Variants in RASA3 observed in about 807,000 individuals in gnomAD.
The protein encoded by RASA3 is RAS p21 protein activator 3, also known as ras GTPase-activating protein 3.
A neutral mutation model predicts 110.0 loss-of-function variants in RASA3; 73 were observed. The observed-to-expected ratio is 0.66, with a 90% CI of 0.55 to 0.81. The LOEUF (loss-of-function observed/expected upper bound fraction) is 0.81. Ranked by LOEUF, RASA3 falls within the 30% of genes least tolerant of loss-of-function variation. The probability of loss-of-function intolerance (pLI) is 0.00; values close to 1 mark genes in which losing one functional copy is unlikely to be tolerated. For missense variants in RASA3, 976 were observed against 1,113.2 expected (o/e 0.88, Z 1.75); for synonymous variants, 500 against 451.4 (o/e 1.11, Z -1.37).
At position 114,014,587 on chromosome 13, in the gene RASA3, A is replaced by G. The variant is rs557653985; in HGVS notation, c.1405+622T>C. Reference sequence around the variant, plus strand: ...CCTGAGTCCTGGCGGGGTCTTGAGTATCGCAGGTGATGGGTGGGTGCAGGC... The same window carrying G: ...CCTGAGTCCTGGCGGGGTCTTGAGTGTCGCAGGTGATGGGTGGGTGCAGGC... On this transcript the variant is annotated intron_variant, in intron 14 of 23. Coordinates refer to ENST00000334062, the MANE Select transcript of RASA3 (RefSeq NM_007368.4). This position sits in a 1 kb window ranked among gnomAD's most constrained non-coding sequence, Gnocchi z 4.5. Among the ~76,000 whole-genome samples, 1 of 152,246 alleles carries G rather than the reference A, an allele frequency of 6.6e-6. No homozygotes were observed. Among genetic ancestry groups the G allele is most frequent in the South Asian group, 2.1e-4 (1 of 4,816 alleles).
intron 2 of RASA3, among the ~76,000 whole-genome samples, chr13:114,052,362 CA>C (rs1451412525): frequency 2.0e-5 from 3 of 152,218 alleles, no homozygotes; most frequent in Non-Finnish European, 4.4e-5. Flanking sequence ...TTGCACTGCA[CA>C]GATGAACTTC....
intron 1 of RASA3, among the ~76,000 whole-genome samples, chr13:114,102,699 G>A (rs1020622270): frequency 3.9e-5 from 6 of 152,166 alleles, no homozygotes; most frequent in Admixed American, 6.5e-5. Flanking sequence ...CCAAGGCTGC[G>A]GCGTCACTGC....
chr13:114,017,177 C>T (rs765248509), intron 12 of RASA3, 60 bp downstream of exon 12: 26 of 1,480,198 alleles, frequency 1.8e-5, no homozygotes, highest in Non-Finnish European at 2.4e-5. Flanking sequence ...GCAGTGCCCT[C>T]TGTTGGGGGA....
intron 20 of RASA3, among the ~76,000 whole-genome samples, chr13:113,997,341 C>A (rs191038801): frequency 7.2e-5 from 11 of 152,276 alleles, no homozygotes; most frequent in Non-Finnish European, 1.6e-4. Context: ...GGAGACAAAG[C>A]CTGGCATAGA....
In RASA3 at chr13:114,029,882, T is replaced by G. The variant is rs1334796165; in HGVS notation, c.378A>C (p.Lys126Asn). ...HVDADSEVQG[K>N]VHLELRLSEV... is the part of the protein sequence containing the mutation. Reference sequence around the variant, plus strand: ...CGCTCAGCCGCAGCTCCAGGTGCACTTTGCCCTGCAAGGCACAAGGATGGG... The same window carrying G: ...CGCTCAGCCGCAGCTCCAGGTGCACGTTGCCCTGCAAGGCACAAGGATGGG... The change falls in exon 5 of 24, where the codon AAA (lysine) becomes AAC (asparagine). Residue 126 changes from lysine to asparagine, a missense_variant. Lys to Asn is a moderately conservative substitution (Grantham distance 94). Coordinates refer to ENST00000334062, the MANE Select transcript of RASA3 (RefSeq NM_007368.4). 2.6e-6 allele frequency: 4 copies of G among 1,558,632 alleles called. No individual in the cohort carries two copies. Among genetic ancestry groups the G allele is most frequent in the Non-Finnish European group, 3.5e-6 (4 of 1,153,504 alleles).
chr13:114,094,002 A>C lies in RASA3; in HGVS notation c.56-20165T>G, dbSNP rs144415396. Among the ~76,000 whole-genome samples, 663 of 151,940 alleles carry C rather than the reference A, an allele frequency of 4.4e-3. 2 individuals are homozygous for C. Among genetic ancestry groups the C allele is most frequent in the African/African-American group, 0.015 (616 of 41,432 alleles). On this transcript the variant is annotated intron_variant, in intron 1 of 23. Transcript: ENST00000334062. ...AGCTTCCTGAAAACAGCTATTTTGA[A>C]TCCTTTGTCTGAGAGATCACACATC...
At chr13:114,010,734 CAT>C (rs1408745307) in intron 16 of RASA3, among the ~76,000 whole-genome samples, 2 of 3,158 alleles carry the variant, frequency 6.3e-4, no homozygotes, top group Non-Finnish European at 7.6e-4. Context: ...AGGAGGGGGC[CAT>C]GTGAGGAGGA....
At chr13:114,117,198 CGT>C (rs1183691191) in intron 1 of RASA3, among the ~76,000 whole-genome samples, 1 of 82,464 alleles carries the variant, frequency 1.2e-5, no homozygotes, top group East Asian at 3.8e-4. Context: ...GAGGAGAGCA[CGT>C]GTGTGAGGGG....
intron 1 of RASA3, among the ~76,000 whole-genome samples, chr13:114,102,072 A>G (rs2080067459): frequency 6.6e-6 from 1 of 152,204 alleles, no homozygotes; most frequent in African/African-American, 2.4e-5. Context: ...CCTTGAGCGG[A>G]GACCCCCAGA....
chr13:114,109,996 C>T (rs935675940), intron 1 of RASA3, among the ~76,000 whole-genome samples: 3 of 152,054 alleles, frequency 2.0e-5, no homozygotes, highest in Non-Finnish European at 4.4e-5. Context: ...GGGCAACGAG[C>T]GTCTGGCGGA....
intron 23 of RASA3, among the ~76,000 whole-genome samples, chr13:113,981,177 G>A (rs561021658): frequency 3.9e-5 from 6 of 152,342 alleles, no homozygotes; most frequent in Admixed American, 1.3e-4. Flanking sequence ...AGGGGGAGTG[G>A]AGCTTAGCTA....
At chr13:113,998,244 C>A (rs1594292769) in intron 20 of RASA3, among the ~76,000 whole-genome samples, 1 of 152,152 alleles carries the variant, frequency 6.6e-6, no homozygotes, top group Non-Finnish European at 1.5e-5. Context: ...AGCCCACACC[C>A]TCCTCTTCCC....
chr13:114,008,015 G>C (rs532336883), intron 17 of RASA3, among the ~76,000 whole-genome samples: 39 of 59,492 alleles, frequency 6.6e-4, no homozygotes, highest in African/African-American at 9.0e-4. Flanking sequence ...AGAGCCCTGG[G>C]GCCTGGATAT....
At chr13:114,041,138 A>C (rs1212688258) in intron 3 of RASA3, 44 bp from the exon 4 acceptor site, 2 of 1,555,616 alleles carry the variant, frequency 1.3e-6, no homozygotes, top group Non-Finnish European at 1.8e-6. Context: ...CACAGGCCCC[A>C]GAGCCAGGAC....
rs754659970 is a variant in RASA3 at position 114,073,682 on chromosome 13, A to G, written c.173+38T>C. 31 of 1,518,840 alleles carry G rather than the reference A, an allele frequency of 2.0e-5. No individual in the cohort carries two copies. In the Admixed American group the frequency reaches 2.7e-4, roughly 13 times the overall value. 94.1% of individuals were successfully genotyped at this position (1,518,840 alleles called of 1,614,324 possible). On this transcript the variant is annotated intron_variant, in intron 2 of 23. Coordinates refer to ENST00000334062, the MANE Select transcript of RASA3 (RefSeq NM_007368.4). ...TTGGGACATTCTCTACACCAAAGAA[A>G]ACACATCAGTGCCAAGTAAAGCAAC... is the stretch of plus-strand genomic sequence containing the variant.
At chr13:114,055,672 A>G (rs944990434) in intron 2 of RASA3, among the ~76,000 whole-genome samples, 5 of 152,236 alleles carry the variant, frequency 3.3e-5, no homozygotes, top group African/African-American at 1.2e-4. Flanking sequence ...CTGAGGCCTA[A>G]GTGATGGCAG....
intron 1 of RASA3, among the ~76,000 whole-genome samples, chr13:114,091,914 G>C (rs1044726489): frequency 3.9e-5 from 6 of 152,224 alleles, no homozygotes; most frequent in Non-Finnish European, 7.4e-5. Context: ...TAGGTTGTAT[G>C]TGTCCAGGAA....
intron 7 of RASA3, 42 bp downstream of exon 7, chr13:114,027,347 G>T: frequency 6.9e-7 from 1 of 1,451,608 alleles, no homozygotes; most frequent in Non-Finnish European, 9.7e-7. Flanking sequence ...CGTGTCTCGG[G>T]TGCAGAGTTT....
intron 1 of RASA3, among the ~76,000 whole-genome samples, chr13:114,101,376 C>A (rs1046630039): frequency 2.0e-5 from 3 of 152,220 alleles, no homozygotes; most frequent in African/African-American, 7.2e-5. Context: ...CCCCACGGCC[C>A]ACCAGGGGAC....
Sources: gnomAD v4.1 joint callset for allele counts (sites outside exome capture counted in the v4.1 genomes callset) on GRCh38, gnomAD v4.1.1 for gene constraint, Gnocchi (gnomAD v3.1) non-coding constraint, MANE v1.5 for transcripts, NCBI Gene and HGNC (gene_info 2026-07-23, HGNC 2026-07-21) for gene names.